The following DCAF4 variants were observed in gnomAD, a reference collection of about 807,000 sequenced individuals.
The protein encoded by DCAF4 is DDB1- and CUL4-associated factor 4.
DCAF4 carries 37 observed loss-of-function variants against 60.9 expected under a neutral mutation model. The ratio of observed to expected loss-of-function variants is 0.61; its 90% CI spans 0.47 to 0.80. DCAF4 has a LOEUF of 0.80. DCAF4 is among the 30% of genes least tolerant of loss of function. DCAF4 has a pLI of 0.00. For synonymous variants in DCAF4, 243 were observed against 254.8 expected, an observed-to-expected ratio of 0.95 and a Z score of 0.44; for missense variants, 577 against 650.0, an observed-to-expected ratio of 0.89 and a Z score of 1.22.
Position 72,926,962 on chromosome 14 carries a change from T to A in DCAF4, c.-9+419T>A, listed in dbSNP as rs550110192. 7.9e-5 allele frequency: 12 copies of A among 152,428 alleles called. No individual in the cohort carries two copies. The East Asian group carries it at 1.9e-3, about 24-fold the overall frequency. The allele number at this position is 152,428 out of a possible 1,614,324, so 9.4% of individuals were successfully genotyped here. A position where few individuals can be genotyped will look rare whatever the true frequency, so the allele number is the denominator to read the frequency against. ...TAACAGGTTAGGTGTGGTTGAAGCT[T>A]ACGAAGTGGCCGGCTCTGTGCTGCC... On this transcript the variant is annotated intron_variant, in intron 1 of 13. Coordinates refer to ENST00000358377, the MANE Select transcript of DCAF4 (RefSeq NM_015604.4).
intron 11 of DCAF4, among the ~76,000 whole-genome samples, chr14:72,955,125 A>G (rs1343988505): frequency 6.6e-6 from 1 of 152,020 alleles, no homozygotes; most frequent in Admixed American, 6.6e-5. Context: ...AAAAAAAAAA[A>G]TTGTGGTCAT....
At chr14:72,943,280 C>A (rs1443987174) in intron 6 of DCAF4, among the ~76,000 whole-genome samples, 184 bp downstream of exon 6, 2 of 152,228 alleles carry the variant, frequency 1.3e-5, no homozygotes, top group African/African-American at 2.4e-5. Flanking sequence ...GCTGAGCTGG[C>A]AGGCAGGCTG....
intron 9 of DCAF4, among the ~76,000 whole-genome samples, chr14:72,953,732 A>ATATATATATATATAT (rs1200407934): frequency 1.8e-4 from 4 of 21,766 alleles, no homozygotes; most frequent in African/African-American, 7.0e-4. Context: ...AAAAAAAAAA[A>ATATATATATATATAT]ATATATATAT....
chr14:72,937,389 A>G (rs1023966092), intron 1 of DCAF4, among the ~76,000 whole-genome samples: 1 of 145,920 alleles, frequency 6.9e-6, no homozygotes, highest in Non-Finnish European at 1.5e-5. Flanking sequence ...TAGGGGTTTC[A>G]TGCCTGGCAA....
rs531609804 is a variant in DCAF4, at chr14:72,959,219, A to C, written c.*414A>C. ...AGTCCTCGGTGCCTGGGTAGCAGGAAGAAAGACCTGCATCCTGCATCTGTA... is the reference window on the plus strand; with the variant it reads ...AGTCCTCGGTGCCTGGGTAGCAGGACGAAAGACCTGCATCCTGCATCTGTA... On this transcript the variant is annotated 3_prime_UTR_variant, in exon 14 of 14. Transcript: ENST00000358377. 1.1e-4 allele frequency: 111 copies of C among 990,934 alleles called. No homozygotes were observed. In the African/African-American group the frequency reaches 1.9e-3, roughly 17 times the overall value. The allele number at this position is 990,934 out of a possible 1,614,324, so 61.4% of individuals were successfully genotyped here.
At chr14:72,956,910 A>G (rs1567331847) in intron 13 of DCAF4, 1 of 226,604 alleles carries the variant, frequency 4.4e-6, no homozygotes. Context: ...AGTTATGGTC[A>G]TTGTAAAGAT....
At chr14:72,935,721 AG>A (rs1365118969) in intron 1 of DCAF4, among the ~76,000 whole-genome samples, 7 of 152,210 alleles carry the variant, frequency 4.6e-5, no homozygotes, top group African/African-American at 1.7e-4. Flanking sequence ...CTGATTGTGC[AG>A]CCCCCTATTG....
chr14:72,945,945 A>G lies in DCAF4; in HGVS notation c.596A>G (p.Tyr199Cys), dbSNP rs1890683073. ...VNDVKVGGSKYGIINLQSLKT... is the reference protein window; with the variant it reads ...VNDVKVGGSKCGIINLQSLKT... ...GATGTTAAAGTTGGAGGCTCCAAGT[A>G]TGGTATCATCAACCTGCAAAGTCTG... Residue 199 changes from tyrosine (Y) to cysteine (C), a missense_variant, in exon 7 of 14, where the codon TAT (tyrosine) becomes TGT (cysteine). Coordinates refer to ENST00000358377, the MANE Select transcript of DCAF4 (RefSeq NM_015604.4). The G allele has an allele frequency of 2.5e-6, 4 of 1,614,064 alleles. No individual in the cohort carries two copies. Among genetic ancestry groups the G allele is most frequent in the Non-Finnish European group, 2.5e-6 (3 of 1,180,038 alleles).
In DCAF4 at chr14:72,954,253, T is replaced by C; in HGVS notation, c.898T>C (p.Phe300Leu). ...WSLNIQANNC[F>L]STGLSRRVLL... ...CCTGAATATCCAAGCAAATAACTGC[T>C]TCAGTACAGGTGAGCCTGGCTCCCC... The change falls in exon 10 of 14, where the codon TTC becomes CTC. Residue 300 changes from phenylalanine (F) to leucine (L), a missense_variant. Transcript: ENST00000358377. 6.2e-7 allele frequency: 1 copy of C among 1,614,196 alleles called. No homozygotes were observed. Among genetic ancestry groups the C allele is most frequent in the Non-Finnish European group, 8.5e-7 (1 of 1,180,036 alleles).
intron 1 of DCAF4, among the ~76,000 whole-genome samples, chr14:72,928,634 A>C (rs1429605392): frequency 6.6e-6 from 1 of 150,964 alleles, no homozygotes; most frequent in Admixed American, 6.6e-5. Context: ...ATACCCTAAA[A>C]TTAACTTTTT....
chr14:72,954,292 A>G, intron 10 of DCAF4, 30 bp downstream of exon 10: 1 of 1,613,676 alleles, frequency 6.2e-7, no homozygotes, highest in East Asian at 2.2e-5. Flanking sequence ...TGCCCAGAGA[A>G]GAGGCCTTAA....
chr14:72,940,612 G>A (rs1254891475), intron 4 of DCAF4: 5 of 377,312 alleles, frequency 1.3e-5, no homozygotes, highest in Non-Finnish European at 2.3e-5. Flanking sequence ...TTTTTTTGAG[G>A]CGGAATCTCA....
chr14:72,961,250 T>C (rs1892809252), downstream of DCAF4, among the ~76,000 whole-genome samples: 1 of 152,158 alleles, frequency 6.6e-6, no homozygotes, highest in African/African-American at 2.4e-5. Context: ...TTAAAGTGGT[T>C]TGGCAAGAAG....
chr14:72,951,735 A>G (rs1594788357), intron 8 of DCAF4, 63 bp from the exon 9 acceptor site: 1 of 1,534,318 alleles, frequency 6.5e-7, no homozygotes, highest in Non-Finnish European at 9.0e-7. Context: ...CTGAAGGGTA[A>G]ATGTCCATGC....
rs778988482 is a variant in DCAF4 at position 72,939,759 on chromosome 14, C to G, written c.93-43C>G. 24 of 1,553,704 alleles carry G rather than the reference C, an allele frequency of 1.5e-5. No individual in the cohort carries two copies. The East Asian group carries it at 5.2e-4, about 34-fold the overall frequency. On this transcript the variant is annotated intron_variant, in intron 2 of 13. Transcript: ENST00000358377. ...CCTGCCCCCGTCAGAATGGCTGGAA[C>G]TCAAGTCCTGGGCTGCAAGTTAACA... is the stretch of plus-strand genomic sequence containing the variant.
chr14:72,953,782 TTGTGTGTG>T (rs149574612), intron 9 of DCAF4, among the ~76,000 whole-genome samples: 5,585 of 41,032 alleles, frequency 0.14, 843 homozygotes, highest in African/African-American at 0.18. Context: ...ATTTATTTAT[TTGTGTGTG>T]TGTGTGTGTG....
chr14:72,929,476 C>T, intron 1 of DCAF4: 1 of 620,396 alleles, frequency 1.6e-6, no homozygotes, highest in Non-Finnish European at 2.8e-6. Context: ...GCAGGAGGAT[C>T]GCTGGAGGCC....
chr14:72,937,088 A>G (rs1285530362), intron 1 of DCAF4, among the ~76,000 whole-genome samples: 1 of 152,244 alleles, frequency 6.6e-6, no homozygotes, highest in African/African-American at 2.4e-5. Context: ...AGATGAAGAC[A>G]TTGAATTCGT....
At chr14:72,957,911 C>T (rs1892511298) in intron 13 of DCAF4, 2 of 152,994 alleles carry the variant, frequency 1.3e-5, no homozygotes, top group Non-Finnish European at 2.9e-5. Flanking sequence ...TAAACCGGTC[C>T]TAGGAACTGA....
Sources: gnomAD v4.1 joint callset for allele counts (sites outside exome capture counted in the v4.1 genomes callset) on GRCh38, gnomAD v4.1.1 for gene constraint, MANE v1.5 for transcripts, NCBI Gene and HGNC (gene_info 2026-07-23, HGNC 2026-07-21) for gene names.